Variants in TAS2R1 observed in about 807,000 individuals in gnomAD.
TAS2R1 encodes the protein taste 2 receptor member 1, also known as taste receptor type 2 member 1.
For synonymous variants in TAS2R1, 141 were observed against 134.2 expected (o/e 1.05, Z -0.35); for missense variants, 370 against 353.4 (o/e 1.05, Z -0.38).
the TAS2R1 span, among the ~76,000 whole-genome samples, chr5:9,862,109 C>T: frequency 6.6e-6 from 1 of 152,108 alleles, no homozygotes; most frequent in Non-Finnish European, 1.5e-5. Flanking sequence ...TCCCTGCAAT[C>T]TGATTACGAG....
In TAS2R1 at chr5:9,629,821, A is replaced by T; in HGVS notation, c.212T>A (p.Phe71Tyr). 6.2e-7 allele frequency: 1 copy of T among 1,613,894 alleles called. No homozygotes were observed. Among genetic ancestry groups the T allele is most frequent in the Non-Finnish European group, 8.5e-7 (1 of 1,179,860 alleles). ...FIFYVNVIVI[F>Y]FIEFIMCSAN... The stretch of plus-strand genomic sequence containing the variant: ...AGAACACATGATGAATTCTATGAAG[A>T]AGATAACAATCACATTAACGTAGAA... Residue 71 changes from phenylalanine (F) to tyrosine (Y), a missense_variant, in exon 1 of 1, where the codon TTC (phenylalanine) becomes TAC (tyrosine). Transcript: ENST00000382492.
rs10681888 is a variant in TAS2R1 at position 9,681,531 on chromosome 5, CAAAAAAAAA to C, written c.-241-21959_-241-21951del. Among the ~76,000 whole-genome samples, 201 of 87,898 alleles carry C rather than the reference CAAAAAAAAA, an allele frequency of 2.3e-3. 4 individuals are homozygous for C. Among genetic ancestry groups the C allele is most frequent in the African/African-American group, 8.2e-3 (191 of 23,154 alleles). 57.7% of individuals were successfully genotyped at this position (87,898 alleles called of 152,430 possible). ...TTTCAGGGGACTTCTCATGTTTCTG[CAAAAAAAAA>C]AAAAAAAAAAGATGCCCTCCCACAA... On this transcript the variant is annotated intron_variant, in intron 1 of 2. Coordinates refer to the TAS2R1 transcript ENST00000506620.
chr5:9,712,686 T>C (rs1297566926), upstream of TAS2R1, among the ~76,000 whole-genome samples: 1 of 152,186 alleles, frequency 6.6e-6, no homozygotes, highest in Non-Finnish European at 1.5e-5. Flanking sequence ...AGCACGCACA[T>C]CATGTGAGTC....
chr5:9,894,041 A>G, the TAS2R1 span, among the ~76,000 whole-genome samples: 1 of 152,212 alleles, frequency 6.6e-6, no homozygotes, highest in South Asian at 2.1e-4. Context: ...AGGTCTTTAA[A>G]GAGGTAATTA....
intron 1 of TAS2R1, among the ~76,000 whole-genome samples, chr5:9,681,350 A>T (rs1356866269): frequency 6.6e-6 from 1 of 151,764 alleles, no homozygotes; most frequent in African/African-American, 2.4e-5. Context: ...CATCCTAAAA[A>T]ATTAAGGTCT....
intron 1 of TAS2R1, among the ~76,000 whole-genome samples, chr5:9,672,933 G>A (rs1740798755): frequency 6.6e-6 from 1 of 152,140 alleles, no homozygotes; most frequent in African/African-American, 2.4e-5. Context: ...AGAAAAGGTA[G>A]TACATATACA....
the TAS2R1 span, among the ~76,000 whole-genome samples, chr5:9,845,197 G>C: frequency 6.6e-6 from 1 of 152,082 alleles, no homozygotes; most frequent in African/African-American, 2.4e-5. Flanking sequence ...GGAAGAAAGA[G>C]ATCTTTCTCT....
chr5:9,671,267 A>C (rs2126502954), intron 1 of TAS2R1, among the ~76,000 whole-genome samples: 1 of 152,304 alleles, frequency 6.6e-6, no homozygotes, highest in Non-Finnish European at 1.5e-5. Context: ...CTCCTATTCA[A>C]CACAGTACTG....
chr5:9,834,633 G>A, the TAS2R1 span, among the ~76,000 whole-genome samples: 9,125 of 151,900 alleles, frequency 0.06, 650 homozygotes, highest in East Asian at 0.23. Flanking sequence ...ATCTTCAGAC[G>A]TTCCCCAGGG....
chr5:9,820,336 G>A, the TAS2R1 span, among the ~76,000 whole-genome samples: 2 of 152,152 alleles, frequency 1.3e-5, no homozygotes, highest in Non-Finnish European at 2.9e-5. Context: ...GGCTTTGTCA[G>A]AACGCCTATC....
At chr5:9,631,969 C>A, upstream of TAS2R1, among the ~76,000 whole-genome samples, 1 of 152,262 alleles carries the variant, frequency 6.6e-6, no homozygotes, top group Middle Eastern at 3.4e-3. Context: ...CAAATGCAAG[C>A]ATGCCAGGAG....
intron 1 of TAS2R1, among the ~76,000 whole-genome samples, chr5:9,673,755 A>T (rs932063686): frequency 7.2e-5 from 11 of 152,124 alleles, no homozygotes; most frequent in Non-Finnish European, 1.6e-4. Context: ...TGAAGGCAAT[A>T]GGGCAAGGAA....
chr5:9,654,355 T>A (rs1475223474), intron 2 of TAS2R1, among the ~76,000 whole-genome samples: 1 of 152,184 alleles, frequency 6.6e-6, no homozygotes, highest in Non-Finnish European at 1.5e-5. Context: ...AACAATCTTG[T>A]AATTTTATTC....
chr5:9,767,094 A>G, the TAS2R1 span, among the ~76,000 whole-genome samples: 17 of 152,226 alleles, frequency 1.1e-4, no homozygotes, highest in African/African-American at 3.9e-4. Context: ...TGCCTACCCA[A>G]TGGATCCACT....
chr5:9,823,568 G>A, the TAS2R1 span, among the ~76,000 whole-genome samples: 105,011 of 140,866 alleles, frequency 0.75, 39,167 homozygotes, highest in East Asian at 0.92. Context: ...GGCAGAAAGG[G>A]GGGAAAGAGG....
At chr5:9,672,503 T>C (rs1447309330) in intron 1 of TAS2R1, among the ~76,000 whole-genome samples, 2 of 152,062 alleles carry the variant, frequency 1.3e-5, no homozygotes, top group Non-Finnish European at 2.9e-5. Context: ...AGAGAAGACA[T>C]ACACACAATC....
chr5:9,798,463 T>C, the TAS2R1 span, among the ~76,000 whole-genome samples: 3 of 152,318 alleles, frequency 2.0e-5, no homozygotes, highest in East Asian at 5.8e-4. Flanking sequence ...TGGTAGGAAA[T>C]GTTGTAGAAA....
At chr5:9,817,510 T>A in the TAS2R1 span, among the ~76,000 whole-genome samples, 13 of 152,194 alleles carry the variant, frequency 8.5e-5, no homozygotes, top group Non-Finnish European at 1.8e-4. Context: ...GTATGGGGTT[T>A]CTTTTGGGGG....
chr5:9,809,963 T>C, the TAS2R1 span, among the ~76,000 whole-genome samples: 12 of 152,250 alleles, frequency 7.9e-5, no homozygotes, highest in Admixed American at 6.5e-5. Context: ...TTCAGGCTGA[T>C]TGTGGTCATC....
Sources: allele counts gnomAD v4.1 joint callset (sites outside exome capture counted in the v4.1 genomes callset), GRCh38; gene constraint gnomAD v4.1.1; transcripts MANE v1.5; gene names NCBI Gene and HGNC (gene_info 2026-07-23, HGNC 2026-07-21).